Variants in SPMIP2 observed in about 807,000 individuals in gnomAD.
SPMIP2 encodes sperm microtubule inner protein 2.
chr4:158,943,858 C>CTTTTTTTTTTTTTTT, the SPMIP2 span, among the ~76,000 whole-genome samples: 19 of 101,912 alleles, frequency 1.9e-4, 2 homozygotes, highest in South Asian at 3.5e-4. Context: ...TTGACATTTT[C>CTTTTTTTTTTTTTTT]TTTTTTTTTT....
the SPMIP2 span, among the ~76,000 whole-genome samples, chr4:158,979,970 G>A: frequency 1.5e-4 from 23 of 151,938 alleles, no homozygotes; most frequent in Non-Finnish European, 1.9e-4. Context: ...TCTTGCTGTC[G>A]GCACGGCAGT....
the SPMIP2 span, among the ~76,000 whole-genome samples, chr4:158,983,045 G>A: frequency 6.6e-6 from 1 of 152,148 alleles, no homozygotes; most frequent in African/African-American, 2.4e-5. Flanking sequence ...GCGATCAACT[G>A]GAAGAAAGGG....
At chr4:159,047,919 A>T in the SPMIP2 span, among the ~76,000 whole-genome samples, 1 of 152,244 alleles carries the variant, frequency 6.6e-6, no homozygotes. Context: ...GAACCATGAT[A>T]TGATAGCATG....
the SPMIP2 span, among the ~76,000 whole-genome samples, chr4:159,019,433 C>T: frequency 1.3e-5 from 2 of 151,772 alleles, no homozygotes; most frequent in African/African-American, 4.8e-5. Flanking sequence ...TGCATCTTTT[C>T]GTCTTTCTCT....
chr4:159,044,675 T>C, the SPMIP2 span, among the ~76,000 whole-genome samples: 1 of 152,162 alleles, frequency 6.6e-6, no homozygotes, highest in African/African-American at 2.4e-5. Flanking sequence ...GGTTTTTCTG[T>C]GCTCCAGTCA....
the SPMIP2 span, among the ~76,000 whole-genome samples, chr4:158,911,935 T>G: frequency 6.6e-6 from 1 of 152,002 alleles, no homozygotes; most frequent in Admixed American, 6.6e-5. Context: ...CATATGCACA[T>G]AAATTATACA....
the SPMIP2 span, among the ~76,000 whole-genome samples, chr4:158,928,592 A>G: frequency 6.6e-6 from 1 of 152,136 alleles, no homozygotes; most frequent in Admixed American, 6.5e-5. Flanking sequence ...AGCTCTACCA[A>G]GCAGCAGGAT....
At chr4:158,967,771 T>C in the SPMIP2 span, among the ~76,000 whole-genome samples, 1 of 152,156 alleles carries the variant, frequency 6.6e-6, no homozygotes, top group African/African-American at 2.4e-5. Context: ...ACTTATCAAC[T>C]CCATGCTGGC....
the SPMIP2 span, among the ~76,000 whole-genome samples, chr4:159,010,895 TTG>T: frequency 6.6e-6 from 1 of 152,116 alleles, no homozygotes; most frequent in African/African-American, 2.4e-5. Flanking sequence ...AATTATAACT[TTG>T]TGAGTTTCAG....
the SPMIP2 span, among the ~76,000 whole-genome samples, chr4:159,064,614 CT>C: frequency 6.6e-6 from 1 of 152,172 alleles, no homozygotes; most frequent in Non-Finnish European, 1.5e-5. Context: ...AACTTTTCCC[CT>C]AACACTTACA....
chr4:158,901,950 G>C, the SPMIP2 span, among the ~76,000 whole-genome samples: 1 of 151,902 alleles, frequency 6.6e-6, no homozygotes, highest in South Asian at 2.1e-4. Context: ...TTAGCTCAGA[G>C]GAGTTTGTTA....
At chr4:159,069,115 C>T in the SPMIP2 span, among the ~76,000 whole-genome samples, 3 of 152,200 alleles carry the variant, frequency 2.0e-5, no homozygotes, top group South Asian at 6.2e-4. Flanking sequence ...CTAGCCTGGC[C>T]AATGTTGTGA....
chr4:159,009,848 C>G, the SPMIP2 span, among the ~76,000 whole-genome samples: 1 of 152,014 alleles, frequency 6.6e-6, no homozygotes, highest in African/African-American at 2.4e-5. Flanking sequence ...TAGCCCGACA[C>G]AGTGGTGTAC....
the SPMIP2 span, among the ~76,000 whole-genome samples, chr4:159,033,334 A>AT: frequency 2.0e-5 from 3 of 152,088 alleles, no homozygotes; most frequent in Non-Finnish European, 4.4e-5. Flanking sequence ...AGCACAAGAG[A>AT]TTTTTTAAGT....
chr4:158,963,999 C>T, the SPMIP2 span, among the ~76,000 whole-genome samples: 1 of 151,810 alleles, frequency 6.6e-6, no homozygotes, highest in Non-Finnish European at 1.5e-5. Flanking sequence ...ACTAAAAATA[C>T]AAAAAATTAG....
the SPMIP2 span, among the ~76,000 whole-genome samples, chr4:158,908,290 T>G: frequency 6.6e-6 from 1 of 152,132 alleles, no homozygotes; most frequent in Non-Finnish European, 1.5e-5. Flanking sequence ...CCCCATGGGA[T>G]GAGGACTTGT....
the SPMIP2 span, among the ~76,000 whole-genome samples, chr4:158,991,099 G>A: frequency 2.0e-5 from 3 of 152,146 alleles, no homozygotes; most frequent in Admixed American, 1.3e-4. Context: ...AGTTGATTAT[G>A]TGAATGTGAA....
At chr4:159,034,912 AAAC>A in the SPMIP2 span, 1 of 767,746 alleles carries the variant, frequency 1.3e-6, no homozygotes, top group Non-Finnish European at 2.1e-6. Flanking sequence ...CCCAAAAAAC[AAAC>A]AAAAACAAAA....
the SPMIP2 span, among the ~76,000 whole-genome samples, chr4:159,004,281 T>A: frequency 8.9e-6 from 1 of 112,454 alleles, no homozygotes; most frequent in East Asian, 2.6e-4. Flanking sequence ...CTGAAGCTAC[T>A]CTGTGCTCTT....
Sources: gnomAD v4.1 joint callset for allele counts (sites outside exome capture counted in the v4.1 genomes callset) on GRCh38, gnomAD v4.1.1 for gene constraint, MANE v1.5 for transcripts, NCBI Gene and HGNC (gene_info 2026-07-23, HGNC 2026-07-21) for gene names.